The following TACC2 variants were observed in gnomAD, a reference collection of about 807,000 sequenced individuals.
TACC2 encodes the protein transforming acidic coiled-coil containing protein 2.
In TACC2, 137 loss-of-function variants were observed where a neutral mutation model predicts 227.3. That is an observed-to-expected ratio of 0.60 (90% CI 0.52 to 0.69). The LOEUF is 0.69. Ranked by LOEUF, TACC2 falls within the 30% of genes least tolerant of loss-of-function variation. The pLI, the probability that TACC2 is intolerant of heterozygous loss-of-function variation, is 0.00. For synonymous variants in TACC2, 1,523 were observed against 1,487.5 expected (o/e 1.02, Z -0.55); for missense variants, 3,470 against 3,694.4 (o/e 0.94, Z 1.57).
In TACC2 at chr10:122,200,218, A is replaced by G. The variant is rs534343846; in HGVS notation, c.5971+5042A>G. Among the ~76,000 whole-genome samples the G allele has an allele frequency of 1.1e-4, 16 of 152,366 alleles. No individual in the cohort carries two copies. In the East Asian group the frequency reaches 2.9e-3, roughly 28 times the overall value. ...CAGTCCAGGCAGAGGCTGGCACTGC[A>G]CCTGGGGGCCCTGGCCATCGAGCCA... On this transcript the variant is annotated intron_variant, in intron 8 of 22. Coordinates refer to ENST00000369005, the MANE Select transcript of TACC2 (RefSeq NM_206862.4).
At position 122,085,177 on chromosome 10, in the gene TACC2, C is replaced by A. The variant is rs1358197808; in HGVS notation, c.2677C>A (p.Gln893Lys). The A allele has an allele frequency of 6.2e-7, 1 of 1,614,116 alleles. No individual in the cohort carries two copies. The highest frequency in any genetic ancestry group is 1.7e-5 in the Admixed American group (1 of 60,026). Reference sequence around the variant, plus strand: ...TAACAACTTGCCCACTCATGGAGGACAGGAGCAGGCTTTGGGATCAGAACT... The same window carrying A: ...TAACAACTTGCCCACTCATGGAGGAAAGGAGCAGGCTTTGGGATCAGAACT... ...EDNNLPTHGGQEQALGSELQS... is the reference protein window; with the variant it reads ...EDNNLPTHGGKEQALGSELQS... The change falls in exon 4 of 23, where the codon CAG becomes AAG. Residue 893 changes from glutamine to lysine, a missense_variant. Coordinates refer to ENST00000369005, the MANE Select transcript of TACC2 (RefSeq NM_206862.4).
chr10:122,225,479 C>T (rs1284402360), intron 12 of TACC2, among the ~76,000 whole-genome samples: 5 of 152,256 alleles, frequency 3.3e-5, no homozygotes, highest in Admixed American at 6.5e-5. Flanking sequence ...TCATGCGCCA[C>T]GTCAGTGAGA....
chr10:122,066,099 A>C (rs1253174287), intron 3 of TACC2, among the ~76,000 whole-genome samples: 1 of 146,586 alleles, frequency 6.8e-6, no homozygotes, highest in Non-Finnish European at 1.5e-5. Context: ...GAAAATCTAT[A>C]CTTTTTTTTT....
chr10:122,193,022 C>T (rs1041279142), intron 7 of TACC2, among the ~76,000 whole-genome samples: 6 of 152,188 alleles, frequency 3.9e-5, no homozygotes, highest in Non-Finnish European at 8.8e-5. Flanking sequence ...TGTGCAAGTG[C>T]GGATCTTTCC....
At chr10:122,226,035 G>A (rs1474938732) in intron 12 of TACC2, among the ~76,000 whole-genome samples, 1 of 152,198 alleles carries the variant, frequency 6.6e-6, no homozygotes, top group Non-Finnish European at 1.5e-5. Context: ...TATCTGCAGT[G>A]GCCAGCACAG....
At position 122,226,420 on chromosome 10, in the gene TACC2, C is replaced by A. The variant is rs1185556095; in HGVS notation, c.7663C>A (p.Gln2555Lys). ...CTTGTACCTTATGTTTGACACTTCTCAGGAGAGCCCTGTCAAGTCATCTCC... is the reference window on the plus strand; with the variant it reads ...CTTGTACCTTATGTTTGACACTTCTAAGGAGAGCCCTGTCAAGTCATCTCC... ...QALYLMFDTS[Q>K]ESPVKSSPVR... The change falls in exon 13 of 23, where the codon CAG (glutamine) becomes AAG (lysine). Residue 2555 changes from glutamine (Q) to lysine (K), a missense_variant. By Grantham distance (53) the Gln-to-Lys change is moderately conservative (BLOSUM62 1). Coordinates refer to ENST00000369005, the MANE Select transcript of TACC2 (RefSeq NM_206862.4). 1.2e-6 allele frequency: 2 copies of A among 1,613,984 alleles called. No individual in the cohort carries two copies. Among genetic ancestry groups the A allele is most frequent in the Non-Finnish European group, 1.7e-6 (2 of 1,180,024 alleles).
At position 122,088,681 on chromosome 10, in the gene TACC2, T is replaced by C. The variant is rs778403200; in HGVS notation, c.5573+90T>C. The C allele has an allele frequency of 5.8e-6, 9 of 1,554,446 alleles. No homozygotes were observed. In the East Asian group the frequency reaches 9.6e-5, roughly 17 times the overall value. ...GTTTTGGAAAGGAGAGTAGTCCTTA[T>C]ACAGCATGAGTTCCTACATAAGAAA... On this transcript the variant is annotated intron_variant, in intron 5 of 22. Coordinates refer to ENST00000369005, the MANE Select transcript of TACC2 (RefSeq NM_206862.4).
chr10:122,159,653 C>T (rs2092700812), intron 7 of TACC2, among the ~76,000 whole-genome samples: 2 of 152,122 alleles, frequency 1.3e-5, no homozygotes, highest in Non-Finnish European at 1.5e-5. Flanking sequence ...GAAGAGAAGT[C>T]GCTGGGGTTT....
intron 3 of TACC2, among the ~76,000 whole-genome samples, chr10:122,061,701 G>T (rs2076841930): frequency 6.6e-6 from 1 of 152,154 alleles, no homozygotes; most frequent in Admixed American, 6.5e-5. Flanking sequence ...GCTCTGGGCT[G>T]GACCAGAGGC....
chr10:122,069,037 T>C (rs2459073), intron 3 of TACC2, among the ~76,000 whole-genome samples: 151,180 of 151,674 alleles, frequency 1, 75,344 homozygotes, highest in East Asian at 1. Context: ...AGGGGGTTTC[T>C]ACACCTGCAC....
chr10:122,201,095 T>G (rs2094815766), intron 8 of TACC2, among the ~76,000 whole-genome samples: 1 of 145,466 alleles, frequency 6.9e-6, no homozygotes, highest in African/African-American at 2.7e-5. Context: ...CTGCCCACAG[T>G]GGCCACATCT....
chr10:122,022,004 C>T lies in TACC2; in HGVS notation c.23C>T (p.Ser8Leu), dbSNP rs547823080. 19 of 1,614,144 alleles carry T rather than the reference C, an allele frequency of 1.2e-5. 1 individual carries two copies. The highest frequency in any genetic ancestry group is 1.0e-4 in the Admixed American group (6 of 60,024). Residue 8 changes from serine to leucine, a missense_variant, in exon 2 of 23, where the codon TCG becomes TTG. Ser to Leu is a moderately radical substitution (Grantham distance 145, BLOSUM62 -2). Around this residue, in one of 10 missense-constraint regions of TACC2, gnomAD observed 405 missense variants for 389.6 expected, o/e 1.04. Transcript: ENST00000369005. ...AACATGGGCAATGAGAACAGCACCT[C>T]GGACAACCAGGTGGGTGTCAGGAAG... MGNENST[S>L]DNQRTLSAQT...
chr10:122,054,891 C>T (rs1217514917), intron 3 of TACC2, among the ~76,000 whole-genome samples: 1 of 152,074 alleles, frequency 6.6e-6, no homozygotes, highest in African/African-American at 2.4e-5. Flanking sequence ...CAAAGTTCTC[C>T]GGCTGGCTCC....
intron 3 of TACC2, among the ~76,000 whole-genome samples, chr10:122,072,372 G>A (rs980517795): frequency 6.6e-6 from 1 of 152,194 alleles, no homozygotes; most frequent in Non-Finnish European, 1.5e-5. Flanking sequence ...TGAGCACAGC[G>A]AAGATAAAAC....
intron 7 of TACC2, chr10:122,192,753 T>C (rs578005951): frequency 1.5e-5 from 7 of 456,592 alleles, no homozygotes; most frequent in South Asian, 1.1e-4. Context: ...TGACCAGCAG[T>C]GGGGACTCCA....
rs2094196166 is a variant in TACC2 at position 122,186,460 on chromosome 10, C to T, written c.5835-8580C>T. Among the ~76,000 whole-genome samples, 3 of 152,246 alleles carry T rather than the reference C, an allele frequency of 2.0e-5. 1 individual carries two copies. Among genetic ancestry groups the T allele is most frequent in the Admixed American group, 2.0e-4 (3 of 15,300 alleles). ...AGTGAGCTGTGACTGTGCCACCGTA[C>T]TCCAGTCTAGGTGACGAGCAAGACT... On this transcript the variant is annotated intron_variant, in intron 7 of 22. Coordinates refer to ENST00000369005, the MANE Select transcript of TACC2 (RefSeq NM_206862.4).
intron 3 of TACC2, among the ~76,000 whole-genome samples, chr10:122,063,370 CTTCTGACTCATTA>C (rs2077046111): frequency 6.6e-6 from 1 of 152,152 alleles, no homozygotes; most frequent in Non-Finnish European, 1.5e-5. Context: ...CCTTGTCCTG[CTTCTGACTCATTA>C]TTTATCTTTG....
chr10:122,114,553 T>G (rs1035854619), intron 5 of TACC2, among the ~76,000 whole-genome samples: 5 of 152,158 alleles, frequency 3.3e-5, no homozygotes, highest in African/African-American at 1.2e-4. Context: ...GTGAGTGGAT[T>G]CCCACGGGGC....
chr10:122,212,185 C>T (rs1473501151), intron 9 of TACC2, among the ~76,000 whole-genome samples: 1 of 152,208 alleles, frequency 6.6e-6, no homozygotes, highest in East Asian at 1.9e-4. Context: ...TAGTAGATTC[C>T]AGGAGGCTCA....
Sources: gnomAD v4.1 joint callset for allele counts (sites outside exome capture counted in the v4.1 genomes callset) on GRCh38, gnomAD v4.1.1 for gene constraint, gnomAD v4.1.1 regional missense constraint, MANE v1.5 for transcripts, NCBI Gene and HGNC (gene_info 2026-07-23, HGNC 2026-07-21) for gene names.